Variants in PACS2 observed in about 807,000 individuals in gnomAD.
PACS2 encodes the protein PACS1-like protein.
A neutral mutation model predicts 113.0 loss-of-function variants in PACS2; 36 were observed. That is an observed-to-expected ratio of 0.32 (90% CI 0.24 to 0.42). The LOEUF (loss-of-function observed/expected upper bound fraction) is 0.42. Among genes scored for constraint, PACS2 ranks in the 10% least tolerant of loss-of-function variants. The probability of loss-of-function intolerance (pLI) is 1.00; values close to 1 mark genes in which losing one functional copy is unlikely to be tolerated. For synonymous variants in PACS2, 589 were observed against 536.1 expected (o/e 1.10, Z -1.36); for missense variants, 1,015 against 1,239.5 (o/e 0.82, Z 2.72).
chr14:105,338,636 T>C (rs1380817826), intron 1 of PACS2, among the ~76,000 whole-genome samples: 1 of 152,100 alleles, frequency 6.6e-6, no homozygotes, highest in Non-Finnish European at 1.5e-5. Context: ...TCCCAGGTCA[T>C]CTGCCCCAGG....
At chr14:105,349,850 G>A (rs1555403499) in intron 2 of PACS2, among the ~76,000 whole-genome samples, 1 of 128,212 alleles carries the variant, frequency 7.8e-6, no homozygotes, top group African/African-American at 3.9e-5. Context: ...CGTGGCTAAT[G>A]CAGGACCCGG....
rs189722581 is a variant in PACS2 at position 105,352,193 on chromosome 14, T to G, written c.208-185T>G. On this transcript the variant is annotated intron_variant, in intron 2 of 24. Transcript: ENST00000447393. ...GAACCTGTGGGCCGAAGGGTCTCCA[T>G]GTTTTTAAGGTTCTTGGGAAAGATG... is the stretch of plus-strand genomic sequence containing the variant. Among the ~76,000 whole-genome samples, 157 of 152,288 alleles carry G rather than the reference T, an allele frequency of 1.0e-3. 1 individual carries two copies. The highest frequency in any genetic ancestry group is 3.7e-3 in the African/African-American group (153 of 41,546).
intron 4 of PACS2, among the ~76,000 whole-genome samples, chr14:105,362,269 T>A (rs1555406762): frequency 1.3e-5 from 2 of 149,632 alleles, no homozygotes; most frequent in African/African-American, 5.0e-5. Context: ...ATATAAAAAA[T>A]TAGCTGGGCG....
intron 1 of PACS2, among the ~76,000 whole-genome samples, chr14:105,341,881 C>A (rs587670883): frequency 1.3e-5 from 2 of 152,304 alleles, no homozygotes; most frequent in Admixed American, 1.3e-4. Context: ...CAAGCTGCGA[C>A]TTTTTCCTTC....
chr14:105,360,343 CA>C (rs879964671), intron 4 of PACS2, among the ~76,000 whole-genome samples: 5 of 152,000 alleles, frequency 3.3e-5, no homozygotes, highest in Non-Finnish European at 5.9e-5. Flanking sequence ...TGTTCGAAAC[CA>C]GCCTGGCCAA....
Position 105,368,551 on chromosome 14 carries a change from C to G in PACS2, c.741+12C>G. 6.2e-7 allele frequency: 1 copy of G among 1,605,800 alleles called. No homozygotes were observed. The highest frequency in any genetic ancestry group is 8.5e-7 in the Non-Finnish European group (1 of 1,172,500). The stretch of plus-strand genomic sequence containing the variant: ...CGTCCATGACCAGGGTTGGTGGAGA[C>G]TGCTTCTATGAATGCTGGGGAAGGC... On this transcript the variant is annotated intron_variant, in intron 7 of 24. Coordinates refer to ENST00000447393, the MANE Select transcript of PACS2 (RefSeq NM_001100913.3).
At chr14:105,361,927 C>T (rs1048752600) in intron 4 of PACS2, among the ~76,000 whole-genome samples, 3 of 151,806 alleles carry the variant, frequency 2.0e-5, no homozygotes, top group East Asian at 1.9e-4. Flanking sequence ...CCAGCCTGGG[C>T]GCCAAGAGTG....
chr14:105,373,258 CAG>C (rs1370306994), intron 8 of PACS2, among the ~76,000 whole-genome samples: 4 of 152,226 alleles, frequency 2.6e-5, no homozygotes, highest in African/African-American at 9.6e-5. Flanking sequence ...GCCAGAGACT[CAG>C]GGCAGACAGA....
chr14:105,310,757 A>C (rs10148455), upstream of PACS2, among the ~76,000 whole-genome samples: 1 of 152,060 alleles, frequency 6.6e-6, no homozygotes. Flanking sequence ...CATGTTCATC[A>C]TGGAGAAAAT....
rs375542895 is a variant in PACS2 at position 105,348,600 on chromosome 14, C to G, written c.207+20C>G. On this transcript the variant is annotated intron_variant, in intron 2 of 24. Coordinates refer to ENST00000447393, the MANE Select transcript of PACS2 (RefSeq NM_001100913.3). The surrounding 1 kb of genome is among the most constrained non-coding windows in gnomAD (Gnocchi z 6.4). ...ATGCAGGTGAGGCCGCTTGTGACCC[C>G]GGCTGTGGCTGGGTGCTGTGTAGGC... 6.4e-7 allele frequency: 1 copy of G among 1,560,110 alleles called. No individual in the cohort carries two copies. The highest frequency in any genetic ancestry group is 8.8e-7 in the Non-Finnish European group (1 of 1,133,476).
At chr14:105,328,163 T>A (rs1380613376) in intron 1 of PACS2, among the ~76,000 whole-genome samples, 1 of 152,234 alleles carries the variant, frequency 6.6e-6, no homozygotes, top group African/African-American at 2.4e-5. Context: ...TCCCTAGGTG[T>A]GGAGGTGCAC....
chr14:105,316,902 G>A (rs879828988), intron 1 of PACS2, among the ~76,000 whole-genome samples: 2 of 151,698 alleles, frequency 1.3e-5, no homozygotes, highest in Non-Finnish European at 2.9e-5. Context: ...GCGGAGGGGC[G>A]AGTGGCGCAG....
Position 105,308,768 on chromosome 14 carries a change from A to G in PACS2, c.-83+7789A>G, listed in dbSNP as rs138800733. On this transcript the variant is annotated intron_variant, in intron 1 of 23. Coordinates refer to the PACS2 transcript ENST00000430725. ...AGTGCTGGGATTACAGGCATGAGCC[A>G]CTGTGCCCAGCCATGACTTTGTCTC... 8.5e-3 allele frequency among the ~76,000 whole-genome samples: 1,287 copies of G among 152,068 alleles called. 26 individuals carry two copies. Among genetic ancestry groups the G allele is most frequent in the African/African-American group, 0.029 (1,223 of 41,520 alleles).
At position 105,394,252 on chromosome 14, in the gene PACS2, C is replaced by G. The variant is rs986989577; in HGVS notation, c.2597-302C>G. On this transcript the variant is annotated intron_variant, in intron 24 of 24. Coordinates refer to ENST00000447393, the MANE Select transcript of PACS2 (RefSeq NM_001100913.3). Reference sequence around the variant, plus strand: ...GGTGGAAGTGGATGTGGACGAGCAGCGCCTGGCGGAAGGTGGTGGGGTCTG... The same window carrying G: ...GGTGGAAGTGGATGTGGACGAGCAGGGCCTGGCGGAAGGTGGTGGGGTCTG... 9.6e-5 allele frequency: 95 copies of G among 985,136 alleles called. 1 individual carries two copies. In the Admixed American group the frequency reaches 1.2e-3, roughly 13 times the overall value. The allele number at this position is 985,136 out of a possible 1,614,324, so 61.0% of individuals were successfully genotyped here. A position where few individuals can be genotyped will look rare whatever the true frequency, so the allele number is the denominator to read the frequency against.
chr14:105,328,116 T>G (rs958864640), intron 1 of PACS2, among the ~76,000 whole-genome samples: 1 of 152,238 alleles, frequency 6.6e-6, no homozygotes, highest in Admixed American at 6.5e-5. Context: ...TTTCCAGCAC[T>G]GATTAGGGGG....
chr14:105,376,702 C>T lies in PACS2; in HGVS notation c.802-66C>T, dbSNP rs1555410498. 5.9e-6 allele frequency: 9 copies of T among 1,527,190 alleles called. No individual in the cohort carries two copies. Among genetic ancestry groups the T allele is most frequent in the Non-Finnish European group, 7.2e-6 (8 of 1,116,250 alleles). The allele number at this position is 1,527,190 out of a possible 1,614,324, so 94.6% of individuals were successfully genotyped here. ...ATTGCTCCTGCAGACTCTGGGGTCT[C>T]GGGCGCCCCCAGTGGGGCAATGTGG... On this transcript the variant is annotated intron_variant, in intron 8 of 24. Coordinates refer to ENST00000447393, the MANE Select transcript of PACS2 (RefSeq NM_001100913.3). This position sits in a 1 kb window ranked among gnomAD's most constrained non-coding sequence, Gnocchi z 4.7.
chr14:105,382,136 A>G (rs1159962766), intron 13 of PACS2, 78 bp downstream of exon 13: 1 of 1,436,468 alleles, frequency 7.0e-7, no homozygotes, highest in African/African-American at 1.4e-5. Context: ...GGGCAAAAAG[A>G]GAAGCACAGG....
At position 105,329,364 on chromosome 14, in the gene PACS2, G is replaced by C. The variant is rs1324162196; in HGVS notation, c.119+14327G>C. Among the ~76,000 whole-genome samples, 3 of 152,194 alleles carry C rather than the reference G, an allele frequency of 2.0e-5. No homozygotes were observed. Among genetic ancestry groups the C allele is most frequent in the African/African-American group, 7.2e-5 (3 of 41,442 alleles). ...CAAGATTTGCTCCCTGGCAACTGTT[G>C]CCTTTCCCAGAAGAGAAGTCCCTGG... On this transcript the variant is annotated intron_variant, in intron 1 of 24. Coordinates refer to ENST00000447393, the MANE Select transcript of PACS2 (RefSeq NM_001100913.3). This position sits in a 1 kb window ranked among gnomAD's most constrained non-coding sequence, Gnocchi z 6.4.
chr14:105,391,254 C>T lies in PACS2; in HGVS notation c.2119+5C>T. The T allele has an allele frequency of 6.2e-7, 1 of 1,609,716 alleles. No individual in the cohort carries two copies. The highest frequency in any genetic ancestry group is 8.5e-7 in the Non-Finnish European group (1 of 1,176,294). On this transcript the variant is annotated splice_donor_5th_base_variant and intron_variant, in intron 21 of 24. Coordinates refer to ENST00000447393, the MANE Select transcript of PACS2 (RefSeq NM_001100913.3). ...AGCCATCCTCGGCCACATCAGGTAA[C>T]CCCGTCCCACCCTGAGGCCTTGTGA... is the stretch of plus-strand genomic sequence containing the variant.
Sources: allele counts gnomAD v4.1 joint callset (sites outside exome capture counted in the v4.1 genomes callset), GRCh38; gene constraint gnomAD v4.1.1; non-coding constraint Gnocchi (gnomAD v3.1); transcripts MANE v1.5; gene names NCBI Gene and HGNC (gene_info 2026-07-23, HGNC 2026-07-21).